Variants in PKHD1L1 observed in about 807,000 individuals in gnomAD.
The protein encoded by PKHD1L1 is PKHD1 like 1.
A neutral mutation model predicts 462.9 loss-of-function variants in PKHD1L1; 434 were observed. That is an observed-to-expected ratio of 0.94 (90% CI 0.87 to 1.02). The LOEUF (loss-of-function observed/expected upper bound fraction) is 1.02. PKHD1L1 is among the 50% of genes least tolerant of loss of function. The pLI, the probability that PKHD1L1 is intolerant of heterozygous loss-of-function variation, is 0.00. For synonymous variants in PKHD1L1, 1,781 were observed against 1,750.0 expected (o/e 1.02, Z -0.44); for missense variants, 5,202 against 5,096.1 (o/e 1.02, Z -0.63).
At chr8:109,402,674 A>T (rs1778716485) in intron 14 of PKHD1L1, among the ~76,000 whole-genome samples, 1 of 152,174 alleles carries the variant, frequency 6.6e-6, no homozygotes, top group Non-Finnish European at 1.5e-5. Context: ...CTCAAGGATG[A>T]AGAAATAGAC....
chr8:109,372,907 C>T (rs1392814200), intron 2 of PKHD1L1, among the ~76,000 whole-genome samples: 4 of 152,124 alleles, frequency 2.6e-5, no homozygotes, highest in African/African-American at 9.7e-5. Flanking sequence ...TTTGGTTTGC[C>T]AGTATTTTAT....
intron 38 of PKHD1L1, among the ~76,000 whole-genome samples, chr8:109,446,223 C>A (rs1428151185): frequency 1.3e-5 from 2 of 152,118 alleles, no homozygotes; most frequent in East Asian, 3.9e-4. Context: ...TTATGCTATG[C>A]TATTTCTGAT....
chr8:109,366,538 G>A (rs1444845834), intron 2 of PKHD1L1, among the ~76,000 whole-genome samples: 1 of 152,160 alleles, frequency 6.6e-6, no homozygotes, highest in Admixed American at 6.5e-5. Context: ...ACAGCATAGA[G>A]CATATAGTTA....
At position 109,526,871 on chromosome 8, in the gene PKHD1L1, G is replaced by A; in HGVS notation, c.12572G>A (p.Ser4191Asn). 6.2e-7 allele frequency: 1 copy of A among 1,606,250 alleles called. No homozygotes were observed. Among genetic ancestry groups the A allele is most frequent in the South Asian group, 1.1e-5 (1 of 90,092 alleles). Residue 4191 changes from serine to asparagine, a missense_variant, in exon 77 of 78, where the codon AGC becomes AAC. Ser to Asn is a conservative substitution (Grantham distance 46, BLOSUM62 1). Transcript: ENST00000378402. The part of the protein sequence containing the change: ...TFSLLAESVS[S>N]SGSSSSSNSK... The stretch of plus-strand genomic sequence containing the variant: ...AGCCTGCTGGCAGAGTCTGTCTCTA[G>A]CAGTGGCAGCAGCAGCAGCAGCAAC...
chr8:109,490,750 A>G (rs2130918437), intron 60 of PKHD1L1, among the ~76,000 whole-genome samples: 1 of 151,826 alleles, frequency 6.6e-6, no homozygotes, highest in East Asian at 1.9e-4. Context: ...TAAAGTAAGC[A>G]TATATATTCA....
chr8:109,490,098 A>C (rs954073050), intron 60 of PKHD1L1, 43 bp downstream of exon 60: 7 of 1,202,872 alleles, frequency 5.8e-6, no homozygotes, highest in Non-Finnish European at 8.2e-6. Context: ...AAAAATATGC[A>C]AAATATTTTT....
chr8:109,469,494 T>G (rs1466406568), intron 50 of PKHD1L1, among the ~76,000 whole-genome samples: 1 of 152,140 alleles, frequency 6.6e-6, no homozygotes, highest in African/African-American at 2.4e-5. Flanking sequence ...ACTGTGTTTC[T>G]TACTGTCTAA....
intron 70 of PKHD1L1, 24 bp from the exon 71 acceptor site, chr8:109,510,753 C>G: frequency 6.2e-7 from 1 of 1,604,054 alleles, no homozygotes; most frequent in Non-Finnish European, 8.5e-7. Flanking sequence ...TAGGAGTATG[C>G]ACTTTCATTT....
chr8:109,523,425 A>G, intron 76 of PKHD1L1, 39 bp downstream of exon 76: 1 of 1,520,790 alleles, frequency 6.6e-7, no homozygotes, highest in South Asian at 1.2e-5. Context: ...ATATAGCCAT[A>G]AATAGAGACA....
chr8:109,384,044 T>A (rs767089670), intron 4 of PKHD1L1, 26 bp from the exon 5 acceptor site: 1 of 1,498,442 alleles, frequency 6.7e-7, no homozygotes, highest in Non-Finnish European at 9.3e-7. Flanking sequence ...AGATAAGTTT[T>A]CATATTGACA....
At position 109,466,617 on chromosome 8, in the gene PKHD1L1, T is replaced by C; in HGVS notation, c.8453T>C (p.Leu2818Pro). ...ACCGTCATTCCACACAGCTCATTGC[T>C]AGACCCTTCTCATTGTACTCAGGAA... ...GHTVIPHSSLLDPSHCTQEAE... is the reference protein window; with the variant it reads ...GHTVIPHSSLPDPSHCTQEAE... The change falls in exon 50 of 78, where the codon CTA becomes CCA. Residue 2818 changes from leucine (L) to proline (P), a missense_variant. Leu to Pro is a moderately conservative substitution (Grantham distance 98, BLOSUM62 -3). Around this residue, in one of 3 missense-constraint regions of PKHD1L1, gnomAD observed 4,497 missense variants for 4,336.8 expected, o/e 1.04. Transcript: ENST00000378402. The C allele has an allele frequency of 6.2e-7, 1 of 1,610,102 alleles. No homozygotes were observed.
rs1324280606 is a variant in PKHD1L1, at chr8:109,533,520, A to G, written c.*3430A>G. Reference sequence around the variant, plus strand: ...CACTGGGCCACCTAGAACAAAGACAATTTCCCAGCTTCACTTGCAGTGAGA... The same window carrying G: ...CACTGGGCCACCTAGAACAAAGACAGTTTCCCAGCTTCACTTGCAGTGAGA... On this transcript the variant is annotated 3_prime_UTR_variant, in exon 78 of 78. Transcript: ENST00000378402. Among the ~76,000 whole-genome samples the G allele has an allele frequency of 6.6e-6, 1 of 152,180 alleles. No individual in the cohort carries two copies. Among genetic ancestry groups the G allele is most frequent in the African/African-American group, 2.4e-5 (1 of 41,430 alleles).
At chr8:109,446,359 C>A (rs1388576390) in intron 38 of PKHD1L1, among the ~76,000 whole-genome samples, 1 of 152,112 alleles carries the variant, frequency 6.6e-6, no homozygotes, top group Non-Finnish European at 1.5e-5. Flanking sequence ...CCTTTAATTT[C>A]CAGCGATGAA....
At chr8:109,407,799 T>A (rs1302536255) in intron 17 of PKHD1L1, among the ~76,000 whole-genome samples, 2 of 152,202 alleles carry the variant, frequency 1.3e-5, no homozygotes, top group Non-Finnish European at 1.5e-5. Context: ...TACTTCCTTT[T>A]AAGCTATAGA....
At chr8:109,521,946 G>C (rs932160601) in intron 73 of PKHD1L1, among the ~76,000 whole-genome samples, 1 of 152,012 alleles carries the variant, frequency 6.6e-6, no homozygotes, top group Non-Finnish European at 1.5e-5. Flanking sequence ...CGTTTTTCTT[G>C]TATCTGTTTT....
intron 37 of PKHD1L1, among the ~76,000 whole-genome samples, chr8:109,444,259 G>T (rs1447309384): frequency 1.3e-5 from 2 of 152,132 alleles, no homozygotes; most frequent in East Asian, 3.9e-4. Context: ...CATACAATAT[G>T]TGGTCCATTG....
Position 109,449,446 on chromosome 8 carries a change from C to A in PKHD1L1, c.6134C>A (p.Ser2045Tyr), listed in dbSNP as rs371587312. Residue 2045 changes from serine to tyrosine, a missense_variant, in exon 40 of 78, where the codon TCT (serine) becomes TAT (tyrosine). Ser to Tyr is a moderately radical substitution (Grantham distance 144, BLOSUM62 -2). This residue lies in a region of PKHD1L1 where 4,497 missense variants were observed against 4,336.8 expected (regional missense o/e 1.04). Transcript: ENST00000378402. ...GSECAIDRLR[S>Y]DYTTLLCEIP... ...GAATGTGCAATTGACAGGCTTAGAT[C>A]TGATTACACAACACTATTATGTGAA... The A allele has an allele frequency of 3.1e-6, 5 of 1,600,448 alleles. No individual in the cohort carries two copies. In the African/African-American group the frequency reaches 6.7e-5, roughly 21 times the overall value.
At position 109,394,333 on chromosome 8, in the gene PKHD1L1, C is replaced by T. The variant is rs547461774; in HGVS notation, c.741-82C>T. ...CATCGTGCTCTTTTGCAGATTATGA[C>T]ATAATTTCTATCACTGAAGTTAAAA... On this transcript the variant is annotated intron_variant, in intron 9 of 77. Coordinates refer to ENST00000378402, the MANE Select transcript of PKHD1L1 (RefSeq NM_177531.6). 70 of 834,132 alleles carry T rather than the reference C, an allele frequency of 8.4e-5. 1 individual carries two copies. Among genetic ancestry groups the T allele is most frequent in the South Asian group, 3.1e-4 (15 of 48,404 alleles). The allele number at this position is 834,132 out of a possible 1,614,324, so 51.7% of individuals were successfully genotyped here.
chr8:109,523,375 C>T lies in PKHD1L1; in HGVS notation c.12473C>T (p.Pro4158Leu). The T allele has an allele frequency of 6.2e-7, 1 of 1,611,958 alleles. No individual in the cohort carries two copies. Among genetic ancestry groups the T allele is most frequent in the Non-Finnish European group, 8.5e-7 (1 of 1,178,636 alleles). The change falls in exon 76 of 78, where the codon CCC (proline) becomes CTC (leucine). Residue 4158 changes from proline to leucine, a missense_variant. Pro to Leu is a moderately conservative substitution (Grantham distance 98, BLOSUM62 -3). Coordinates refer to ENST00000378402, the MANE Select transcript of PKHD1L1 (RefSeq NM_177531.6). ...SCWANYTDLTPLRTGKNYKIE... is the reference protein window; with the variant it reads ...SCWANYTDLTLLRTGKNYKIE... ...TGGGCCAACTACACAGACCTTACTC[C>T]CCTTAGAACAGGTGGGTGCACTATT...
Sources: allele counts gnomAD v4.1 joint callset (sites outside exome capture counted in the v4.1 genomes callset), GRCh38; gene constraint gnomAD v4.1.1; regional missense constraint gnomAD v4.1.1; transcripts MANE v1.5; gene names NCBI Gene and HGNC (gene_info 2026-07-23, HGNC 2026-07-21).